PARD6G: variants seen among roughly 807,000 people sequenced by gnomAD.
PARD6G encodes par-6 family cell polarity regulator gamma, also known as partitioning defective 6 homolog gamma.
In PARD6G, 7 loss-of-function variants were observed where a neutral mutation model predicts 10.7. That is an observed-to-expected ratio of 0.66 (90% confidence interval 0.37 to 1.23). PARD6G has a LOEUF of 1.23. Ranked by LOEUF, PARD6G falls within the 50% of genes most tolerant of loss-of-function variation. The probability of loss-of-function intolerance (pLI) is 0.02; values close to 1 mark genes in which losing one functional copy is unlikely to be tolerated. For synonymous variants in PARD6G, 287 were observed against 269.4 expected (o/e 1.07, Z -0.64); for missense variants, 548 against 571.8 (o/e 0.96, Z 0.42).
At chr18:80,170,088 T>G (rs1331472765) in intron 2 of PARD6G, 1 of 152,070 alleles carries the variant, frequency 6.6e-6, no homozygotes, top group Admixed American at 6.6e-5. Flanking sequence ...TCCCCATAAT[T>G]AAACAGCATG....
chr18:80,226,358 C>A (rs1335967883), intron 1 of PARD6G, among the ~76,000 whole-genome samples: 1 of 151,698 alleles, frequency 6.6e-6, no homozygotes, highest in Non-Finnish European at 1.5e-5. Flanking sequence ...TTAGTAGAGA[C>A]GGGGGTTCCT....
intron 1 of PARD6G, among the ~76,000 whole-genome samples, chr18:80,241,590 T>C (rs1327301341): frequency 6.6e-5 from 10 of 152,096 alleles, no homozygotes; most frequent in East Asian, 1.9e-4. Flanking sequence ...ATTAAGTAAA[T>C]GTTATTAATA....
chr18:80,245,879 G>A (rs1967539366), intron 1 of PARD6G, among the ~76,000 whole-genome samples: 2 of 152,114 alleles, frequency 1.3e-5, no homozygotes, highest in African/African-American at 4.8e-5. Context: ...GCAAGGGTAA[G>A]GACAGGATCT....
chr18:80,245,053 G>C (rs930964491), intron 1 of PARD6G, among the ~76,000 whole-genome samples: 1 of 152,190 alleles, frequency 6.6e-6, no homozygotes, highest in African/African-American at 2.4e-5. Context: ...CTCACCTCCA[G>C]ACAAGCATCT....
At chr18:80,195,580 T>TATATATATA (rs1217519591) in intron 2 of PARD6G, among the ~76,000 whole-genome samples, 1 of 134,312 alleles carries the variant, frequency 7.4e-6, no homozygotes, top group African/African-American at 2.8e-5. Context: ...TATACACACA[T>TATATATATA]TTTTTTTTCT....
intron 1 of PARD6G, among the ~76,000 whole-genome samples, chr18:80,245,996 C>T (rs1236537308): frequency 2.0e-5 from 3 of 152,078 alleles, no homozygotes; most frequent in Non-Finnish European, 4.4e-5. Flanking sequence ...TGCTGGGACA[C>T]CTCCCCGCCT....
At position 80,204,715 on chromosome 18, in the gene PARD6G, A is replaced by G. The variant is rs552560588; in HGVS notation, c.73-1783T>C. 1.7e-3 allele frequency among the ~76,000 whole-genome samples: 261 copies of G among 152,126 alleles called. No individual in the cohort carries two copies. The Middle Eastern group carries it at 0.02, about 12-fold the overall frequency. On this transcript the variant is annotated intron_variant, in intron 1 of 2. Coordinates refer to ENST00000353265, the MANE Select transcript of PARD6G (RefSeq NM_032510.4). ...TGTAATCCCAGCAGTTTGGGAGGCC[A>G]AGGCGGGCAGATTACTTGAGGTCAG...
Position 80,181,224 on chromosome 18 carries a change from G to A in PARD6G, c.296-20618C>T, listed in dbSNP as rs1326627986. ...GACCGTAGACTGGTGTGTGCACCAAGCATGCCAGGGACCCCAGGTCACACG... is the reference window on the plus strand; with the variant it reads ...GACCGTAGACTGGTGTGTGCACCAAACATGCCAGGGACCCCAGGTCACACG... On this transcript the variant is annotated intron_variant, in intron 2 of 2. Transcript: ENST00000353265. The surrounding 1 kb of genome is among the most constrained non-coding windows in gnomAD (Gnocchi z 7.9). Among the ~76,000 whole-genome samples, 2 of 152,128 alleles carry A rather than the reference G, an allele frequency of 1.3e-5. No individual in the cohort carries two copies. The highest frequency in any genetic ancestry group is 2.4e-5 in the African/African-American group (1 of 41,418).
At chr18:80,229,920 C>T (rs182816530) in intron 1 of PARD6G, among the ~76,000 whole-genome samples, 24 of 152,302 alleles carry the variant, frequency 1.6e-4, no homozygotes, top group Middle Eastern at 3.4e-3. Flanking sequence ...GCTCCAGGGA[C>T]GTGTTGACAC....
chr18:80,201,695 C>A lies in PARD6G; in HGVS notation c.295+1015G>T, dbSNP rs543556337. Among the ~76,000 whole-genome samples the A allele has an allele frequency of 6.6e-6, 1 of 152,228 alleles. No homozygotes were observed. Among genetic ancestry groups the A allele is most frequent in the African/African-American group, 2.4e-5 (1 of 41,466 alleles). Reference sequence around the variant, plus strand: ...ATAGCTAGTATTTACAGAGCAGGGACGAGGAGCTGGCAGCACGCTGCTCAG... The same window carrying A: ...ATAGCTAGTATTTACAGAGCAGGGAAGAGGAGCTGGCAGCACGCTGCTCAG... On this transcript the variant is annotated intron_variant, in intron 2 of 2. Coordinates refer to ENST00000353265, the MANE Select transcript of PARD6G (RefSeq NM_032510.4). This position sits in a 1 kb window ranked among gnomAD's most constrained non-coding sequence, Gnocchi z 5.9.
rs182251286 is a variant in PARD6G at position 80,213,192 on chromosome 18, C to T, written c.73-10260G>A. Reference sequence around the variant, plus strand: ...AAAATGGTTAAGATGATGAAGTTTACGTCTATTTTACCACAATTTTTAAAA... The same window carrying T: ...AAAATGGTTAAGATGATGAAGTTTATGTCTATTTTACCACAATTTTTAAAA... On this transcript the variant is annotated intron_variant, in intron 1 of 2. Coordinates refer to ENST00000353265, the MANE Select transcript of PARD6G (RefSeq NM_032510.4). Among the ~76,000 whole-genome samples, 7 of 152,210 alleles carry T rather than the reference C, an allele frequency of 4.6e-5. No individual in the cohort carries two copies. In the East Asian group the frequency reaches 9.6e-4, roughly 21 times the overall value.
At chr18:80,193,447 C>T (rs1049286347) in intron 2 of PARD6G, among the ~76,000 whole-genome samples, 4 of 152,160 alleles carry the variant, frequency 2.6e-5, no homozygotes, top group African/African-American at 9.7e-5. Context: ...GAAATTTATA[C>T]TTTTAGGTAC....
At chr18:80,226,908 A>G (rs1967298834) in intron 1 of PARD6G, among the ~76,000 whole-genome samples, 1 of 152,228 alleles carries the variant, frequency 6.6e-6, no homozygotes, top group Non-Finnish European at 1.5e-5. Context: ...CTACAATCAC[A>G]TAGCAGGCAC....
At chr18:80,176,131 C>T (rs749881241) in intron 2 of PARD6G, among the ~76,000 whole-genome samples, 41 of 152,094 alleles carry the variant, frequency 2.7e-4, no homozygotes, top group Non-Finnish European at 4.0e-4. Context: ...GCAACTGATA[C>T]GTCTTGAAAC....
rs1312623146 is a variant in PARD6G, at chr18:80,159,590, T to G, written c.*181A>C. On this transcript the variant is annotated 3_prime_UTR_variant, in exon 3 of 3. Coordinates refer to ENST00000353265, the MANE Select transcript of PARD6G (RefSeq NM_032510.4). ...GTCTCTACAGGCGTTCATTTTAAGT[T>G]CTGTGGCGAAATTCTATAAAAATAG... 2 of 1,050,034 alleles carry G rather than the reference T, an allele frequency of 1.9e-6. No individual in the cohort carries two copies. Among genetic ancestry groups the G allele is most frequent in the African/African-American group, 3.4e-5 (2 of 59,386 alleles). The allele number at this position is 1,050,034 out of a possible 1,614,324, so 65.0% of individuals were successfully genotyped here.
In PARD6G at chr18:80,229,179, C is replaced by T. The variant is rs548779674; in HGVS notation, c.72+18098G>A. On this transcript the variant is annotated intron_variant, in intron 1 of 2. Transcript: ENST00000353265. ...GGTCTTGCACTCCTGACCTTGTGAT[C>T]CACCCACCTCGGTCTCCCAAAGTGC... 3.3e-5 allele frequency among the ~76,000 whole-genome samples: 5 copies of T among 152,268 alleles called. No individual in the cohort carries two copies. In the South Asian group the frequency reaches 1.0e-3, roughly 32 times the overall value.
At chr18:80,208,770 A>G (rs1026054018) in intron 1 of PARD6G, among the ~76,000 whole-genome samples, 7 of 152,082 alleles carry the variant, frequency 4.6e-5, no homozygotes, top group African/African-American at 1.7e-4. Context: ...CCTAAAAAAG[A>G]TTGCATTGCT....
chr18:80,216,053 G>A lies in PARD6G; in HGVS notation c.73-13121C>T, dbSNP rs151043846. ...TTATAATAAAAGGGTAAATCTATCA[G>A]GAAGACATAACAATTATAAACATAT... is the stretch of plus-strand genomic sequence containing the variant. On this transcript the variant is annotated intron_variant, in intron 1 of 2. Transcript: ENST00000353265. 5.5e-3 allele frequency among the ~76,000 whole-genome samples: 833 copies of A among 152,100 alleles called. 8 individuals carry two copies. Among genetic ancestry groups the A allele is most frequent in the African/African-American group, 0.019 (786 of 41,540 alleles).
At chr18:80,221,016 CA>C (rs1967222228) in intron 1 of PARD6G, among the ~76,000 whole-genome samples, 1 of 152,106 alleles carries the variant, frequency 6.6e-6, no homozygotes, top group Non-Finnish European at 1.5e-5. Context: ...AAAACTGACT[CA>C]AAAAGCAGAA....
Sources: allele counts gnomAD v4.1 joint callset (sites outside exome capture counted in the v4.1 genomes callset), GRCh38; gene constraint gnomAD v4.1.1; non-coding constraint Gnocchi (gnomAD v3.1); transcripts MANE v1.5; gene names NCBI Gene and HGNC (gene_info 2026-07-23, HGNC 2026-07-21).